Variants in ZNF880 observed in about 807,000 individuals in gnomAD.
The protein encoded by ZNF880 is zinc finger protein 880, also known as zinc finger protein LOC400713.
A neutral mutation model predicts 11.8 loss-of-function variants in ZNF880; 12 were observed. The ratio of observed to expected loss-of-function variants is 1.02; its 90% CI spans 0.65 to 1.65. The LOEUF is 1.65. Ranked by LOEUF, ZNF880 falls within the 40% of genes most tolerant of loss-of-function variation. The pLI is 0.00. For synonymous variants in ZNF880, 210 were observed against 232.4 expected, an observed-to-expected ratio of 0.90 and a Z score of 0.88; for missense variants, 601 against 673.9, an observed-to-expected ratio of 0.89 and a Z score of 1.20.
the ZNF880 span, among the ~76,000 whole-genome samples, chr19:52,394,040 C>T: frequency 3.7e-3 from 561 of 151,696 alleles, 2 homozygotes; most frequent in Middle Eastern, 6.8e-3. Flanking sequence ...GGGGTTTCAC[C>T]GTGTTAGCCA....
chr19:52,373,669 A>ATTTTTTTTTT, intron 2 of ZNF880, among the ~76,000 whole-genome samples: 1 of 102,576 alleles, frequency 9.7e-6, no homozygotes, highest in Non-Finnish European at 1.9e-5. Context: ...AAATACTGTA[A>ATTTTTTTTTT]TTTTTTTTTT....
intron 3 of ZNF880, among the ~76,000 whole-genome samples, chr19:52,376,351 C>G (rs576067176): frequency 2.0e-5 from 3 of 152,094 alleles, no homozygotes; most frequent in African/African-American, 7.2e-5. Context: ...TTGATTATGG[C>G]CATTCTTGCA....
At chr19:52,390,403 G>T, downstream of ZNF880, 1 of 365,828 alleles carries the variant, frequency 2.7e-6, no homozygotes, top group Non-Finnish European at 5.6e-6. Context: ...ACTTTCTCCT[G>T]CCTTTTTCCT....
downstream of ZNF880, among the ~76,000 whole-genome samples, chr19:52,386,604 C>A (rs1380674050): frequency 7.0e-6 from 1 of 142,596 alleles, no homozygotes; most frequent in African/African-American, 2.7e-5. Context: ...GAGTTTGAGA[C>A]CAGCCTGGTC....
chr19:52,376,496 G>GCCCCCCCCCC, intron 3 of ZNF880, among the ~76,000 whole-genome samples: 1 of 51,194 alleles, frequency 2.0e-5, no homozygotes, highest in Admixed American at 2.9e-4. Flanking sequence ...CCTTAGCACC[G>GCCCCCCCCCC]CCCCCCCCCC....
downstream of ZNF880, among the ~76,000 whole-genome samples, chr19:52,388,281 A>AATTTTTTTTTTTTTTTTT (rs1298446341): frequency 2.6e-5 from 1 of 38,892 alleles, no homozygotes; most frequent in African/African-American, 1.8e-4. Flanking sequence ...GGCAATTTGA[A>AATTTTTTTTTTTTTTTTT]CTTTTTTTTT....
At chr19:52,380,260 C>T (rs1403540205) in intron 3 of ZNF880, among the ~76,000 whole-genome samples, 1 of 151,846 alleles carries the variant, frequency 6.6e-6, no homozygotes, top group East Asian at 1.9e-4. Context: ...CATTTCTGCA[C>T]ATTTTTGCCA....
intron 3 of ZNF880, among the ~76,000 whole-genome samples, chr19:52,379,266 A>G (rs924270247): frequency 6.6e-6 from 1 of 152,024 alleles, no homozygotes; most frequent in East Asian, 1.9e-4. Flanking sequence ...TGTAACACTT[A>G]TATACACTCC....
chr19:52,386,446 C>G (rs776065736), downstream of ZNF880, among the ~76,000 whole-genome samples: 21 of 142,868 alleles, frequency 1.5e-4, 2 homozygotes, highest in Admixed American at 2.8e-4. Context: ...AGAAATCATG[C>G]AAGGGAGATG....
Position 52,384,136 on chromosome 19 carries a change from T to G in ZNF880, c.556T>G (p.Cys186Gly), listed in dbSNP as rs1467844265. The G allele has an allele frequency of 1.9e-6, 3 of 1,604,614 alleles. No individual in the cohort carries two copies. In the South Asian group the frequency reaches 3.3e-5, roughly 18 times the overall value. Reference protein sequence around the residue: ...KAQIREKPCECNEHGKAFRVS... With the variant: ...KAQIREKPCEGNEHGKAFRVS... ...ACAAATAAGGGAAAAACCGTGTGAA[T>G]GTAATGAGCATGGCAAAGCCTTTAG... is the stretch of plus-strand genomic sequence containing the variant. Residue 186 changes from cysteine (C) to glycine (G), a missense_variant, in exon 4 of 4, where the codon TGT becomes GGT. This residue lies in a region of ZNF880 where 420 missense variants were observed against 442.6 expected (regional missense o/e 0.95). Transcript: ENST00000422689.
chr19:52,375,923 C>G (rs1054911584), intron 3 of ZNF880, among the ~76,000 whole-genome samples: 11 of 152,224 alleles, frequency 7.2e-5, no homozygotes, highest in African/African-American at 2.7e-4. Flanking sequence ...TTCTTCCCAC[C>G]TGGCCTGCCT....
chr19:52,383,463 G>A (rs576289013), intron 3 of ZNF880, among the ~76,000 whole-genome samples: 14 of 152,272 alleles, frequency 9.2e-5, no homozygotes, highest in African/African-American at 3.4e-4. Context: ...AAGGGTATAG[G>A]AACAGCCACT....
upstream of ZNF880, among the ~76,000 whole-genome samples, chr19:52,369,409 AG>A (rs1354452800): frequency 6.6e-6 from 1 of 150,664 alleles, no homozygotes; most frequent in Non-Finnish European, 1.5e-5. Flanking sequence ...CCGCCCTGGC[AG>A]GGTTTTGCAT....
rs1986857373 is a variant in ZNF880, at chr19:52,385,481, G to A, written c.*167G>A. 3 of 815,442 alleles carry A rather than the reference G, an allele frequency of 3.7e-6. No homozygotes were observed. Among genetic ancestry groups the A allele is most frequent in the Admixed American group, 3.0e-5 (1 of 33,594 alleles). 50.5% of individuals were successfully genotyped at this position (815,442 alleles called of 1,614,324 possible). Reference sequence around the variant, plus strand: ...CTAAAGAGAAATCATAGCAATGTATGTGAATCAGGTCTCTTGAGGCCTGCC... The same window carrying A: ...CTAAAGAGAAATCATAGCAATGTATATGAATCAGGTCTCTTGAGGCCTGCC... On this transcript the variant is annotated 3_prime_UTR_variant, in exon 4 of 4. Coordinates refer to ENST00000422689, the MANE Select transcript of ZNF880 (RefSeq NM_001145434.2).
At chr19:52,379,035 AC>A (rs1478245205) in intron 3 of ZNF880, among the ~76,000 whole-genome samples, 1 of 152,180 alleles carries the variant, frequency 6.6e-6, no homozygotes, top group African/African-American at 2.4e-5. Flanking sequence ...TGATGGCGTC[AC>A]TGAACTCCAG....
At chr19:52,380,984 G>A (rs324127) in intron 3 of ZNF880, among the ~76,000 whole-genome samples, 1 of 152,058 alleles carries the variant, frequency 6.6e-6, no homozygotes, top group Non-Finnish European at 1.5e-5. Flanking sequence ...AACCAGAATC[G>A]TCTTTTTCTT....
chr19:52,376,581 C>G (rs1273529606), intron 3 of ZNF880, among the ~76,000 whole-genome samples: 1 of 137,240 alleles, frequency 7.3e-6, no homozygotes, highest in Non-Finnish European at 1.5e-5. Flanking sequence ...ATGATCTCGG[C>G]CCCCTGCAAC....
rs1355987355 is a variant in ZNF880, at chr19:52,384,180, T to G, written c.600T>G (p.Ala200=). ...GKAFRVSSRL[A]NNQVIHTADN... is the part of the protein sequence containing the mutation. ...CCTTTAGAGTGTCTTCAAGACTTGC[T>G]AACAATCAAGTAATCCACACTGCAG... is the stretch of plus-strand genomic sequence containing the variant. The change falls in exon 4 of 4, where the codon GCT becomes GCG. Residue 200 remains alanine, a synonymous_variant. Coordinates refer to ENST00000422689, the MANE Select transcript of ZNF880 (RefSeq NM_001145434.2). The G allele has an allele frequency of 1.2e-6, 2 of 1,610,606 alleles. No individual in the cohort carries two copies. The highest frequency in any genetic ancestry group is 3.4e-5 in the Admixed American group (2 of 59,224).
Position 52,383,950 on chromosome 19 carries a change from G to A in ZNF880, c.370G>A (p.Ala124Thr), listed in dbSNP as rs1986774617. 1 of 1,556,270 alleles carries A rather than the reference G, an allele frequency of 6.4e-7. No homozygotes were observed. Among genetic ancestry groups the A allele is most frequent in the Non-Finnish European group, 8.7e-7 (1 of 1,149,266 alleles). ...TCTGAGTGAACTGCAGCTATTTCAA[G>A]CTGAAAGGAATATTTCTGGATGTAA... Reference protein sequence around the residue: ...LHLSELQLFQAERNISGCKHV... With the variant: ...LHLSELQLFQTERNISGCKHV... Residue 124 changes from alanine to threonine, a missense_variant, in exon 4 of 4, where the codon GCT becomes ACT. This residue lies in a region of ZNF880 where 420 missense variants were observed against 442.6 expected (regional missense o/e 0.95). Transcript: ENST00000422689.
Sources: allele counts gnomAD v4.1 joint callset (sites outside exome capture counted in the v4.1 genomes callset), GRCh38; gene constraint gnomAD v4.1.1; regional missense constraint gnomAD v4.1.1; transcripts MANE v1.5; gene names NCBI Gene and HGNC (gene_info 2026-07-23, HGNC 2026-07-21).